GRID1: variants seen among roughly 807,000 people sequenced by gnomAD.
The protein encoded by GRID1 is glutamate ionotropic receptor delta type subunit 1, also known as glutamate receptor ionotropic, delta-1.
GRID1 carries 28 observed loss-of-function variants against 98.0 expected under a neutral mutation model. That is an observed-to-expected ratio of 0.29 (90% CI 0.21 to 0.39). The LOEUF (loss-of-function observed/expected upper bound fraction) is 0.39. GRID1 is among the 10% of genes least tolerant of loss of function. The pLI is 1.00. For missense variants in GRID1, 1,111 were observed against 1,340.5 expected (o/e 0.83, Z 2.67); for synonymous variants, 553 against 538.5 (o/e 1.03, Z -0.37).
At chr10:85,965,628 G>A (rs1842326801) in intron 4 of GRID1, among the ~76,000 whole-genome samples, 1 of 152,052 alleles carries the variant, frequency 6.6e-6, no homozygotes, top group Non-Finnish European at 1.5e-5. Flanking sequence ...ACACACCAGG[G>A]CCTGTCAGGG....
At chr10:86,328,012 G>A (rs1336532492) in intron 2 of GRID1, among the ~76,000 whole-genome samples, 3 of 152,138 alleles carry the variant, frequency 2.0e-5, no homozygotes, top group Non-Finnish European at 4.4e-5. Flanking sequence ...CTATTAAGGG[G>A]GGGTATCTGT....
At chr10:86,248,163 C>T (rs867381554) in intron 2 of GRID1, among the ~76,000 whole-genome samples, 11 of 152,216 alleles carry the variant, frequency 7.2e-5, no homozygotes, top group Admixed American at 1.3e-4. Flanking sequence ...AGTAGGCAGA[C>T]GGTGCAGACA....
intron 2 of GRID1, among the ~76,000 whole-genome samples, chr10:86,220,580 T>C (rs1415498076): frequency 6.6e-6 from 1 of 152,120 alleles, no homozygotes; most frequent in African/African-American, 2.4e-5. Flanking sequence ...AGGTCTGGGC[T>C]GATGGTCAGA....
intron 4 of GRID1, among the ~76,000 whole-genome samples, chr10:86,046,959 G>C (rs1256627365): frequency 1.3e-5 from 2 of 151,930 alleles, no homozygotes; most frequent in African/African-American, 4.8e-5. Flanking sequence ...GCAGCAAAAA[G>C]GCCACATGCG....
chr10:85,867,612 A>G (rs1843234322), intron 6 of GRID1, among the ~76,000 whole-genome samples: 1 of 152,260 alleles, frequency 6.6e-6, no homozygotes, highest in Non-Finnish European at 1.5e-5. Flanking sequence ...CTCCACATAC[A>G]GGAAGGCAGA....
chr10:86,203,035 C>T (rs1019965095), intron 3 of GRID1, among the ~76,000 whole-genome samples: 3 of 152,140 alleles, frequency 2.0e-5, no homozygotes, highest in Non-Finnish European at 2.9e-5. Flanking sequence ...CAGGAAGAAC[C>T]TTTCTGAGCC....
At chr10:86,290,678 TAAAATAAA>T (rs1847499547) in intron 2 of GRID1, among the ~76,000 whole-genome samples, 1 of 150,598 alleles carries the variant, frequency 6.6e-6, no homozygotes, top group African/African-American at 2.5e-5. Context: ...TAAAATAAAA[TAAAATAAA>T]ATATGTTCCA....
chr10:85,657,457 C>G (rs1840912603), intron 12 of GRID1, among the ~76,000 whole-genome samples: 2 of 152,128 alleles, frequency 1.3e-5, no homozygotes, highest in African/African-American at 4.8e-5. Flanking sequence ...ACAATAGTGA[C>G]CAGCTCATGG....
At chr10:85,966,422 A>G (rs928598645) in intron 4 of GRID1, among the ~76,000 whole-genome samples, 3 of 152,218 alleles carry the variant, frequency 2.0e-5, no homozygotes, top group Non-Finnish European at 4.4e-5. Flanking sequence ...TAAAGAATAC[A>G]GAGAGTTGTA....
At chr10:85,944,301 C>G (rs185970784) in intron 4 of GRID1, among the ~76,000 whole-genome samples, 162 of 152,198 alleles carry the variant, frequency 1.1e-3, no homozygotes, top group Middle Eastern at 3.4e-3. Flanking sequence ...ACAAAAATAG[C>G]TAATAAACAA....
At chr10:86,344,614 AG>A (rs1440090978) in intron 2 of GRID1, among the ~76,000 whole-genome samples, 1 of 152,200 alleles carries the variant, frequency 6.6e-6, no homozygotes, top group African/African-American at 2.4e-5. Flanking sequence ...CCTCTTTTGG[AG>A]CCAAAGTACA....
intron 5 of GRID1, among the ~76,000 whole-genome samples, chr10:85,889,220 C>T (rs144996409): frequency 2.0e-5 from 3 of 152,200 alleles, no homozygotes; most frequent in African/African-American, 4.8e-5. Context: ...TCAGCAGTCA[C>T]AGGCAGAGAC....
At chr10:85,996,895 C>T (rs1842746338) in intron 4 of GRID1, among the ~76,000 whole-genome samples, 1 of 149,604 alleles carries the variant, frequency 6.7e-6, no homozygotes, top group African/African-American at 2.4e-5. Context: ...TGGCTTAAAA[C>T]TTATCAAATT....
intron 15 of GRID1, among the ~76,000 whole-genome samples, chr10:85,610,072 C>G (rs868611289): frequency 6.6e-6 from 1 of 152,198 alleles, no homozygotes; most frequent in African/African-American, 2.4e-5. Context: ...AACTTGGGCT[C>G]CACCCAAAGA....
intron 5 of GRID1, among the ~76,000 whole-genome samples, chr10:85,895,750 T>C (rs1841284640): frequency 6.6e-6 from 1 of 152,192 alleles, no homozygotes; most frequent in Non-Finnish European, 1.5e-5. Flanking sequence ...AAATTTTCTT[T>C]GAGGCACATA....
intron 8 of GRID1, among the ~76,000 whole-genome samples, chr10:85,853,151 C>T (rs112039359): frequency 1.2e-4 from 19 of 152,054 alleles, no homozygotes; most frequent in African/African-American, 4.3e-4. Context: ...CTACACGGCT[C>T]CCTCCCTGTT....
intron 13 of GRID1, among the ~76,000 whole-genome samples, chr10:85,624,272 T>A (rs1842886598): frequency 6.6e-6 from 1 of 152,248 alleles, no homozygotes; most frequent in Non-Finnish European, 1.5e-5. Context: ...TTCAATGGGT[T>A]AAATTACCTT....
chr10:86,302,196 C>A (rs1166919571), intron 2 of GRID1, among the ~76,000 whole-genome samples: 1 of 152,220 alleles, frequency 6.6e-6, no homozygotes. Flanking sequence ...GCAGGCAGAT[C>A]CTGGACATGA....
At chr10:86,172,142 C>T (rs571513159) in intron 3 of GRID1, among the ~76,000 whole-genome samples, 31 of 152,250 alleles carry the variant, frequency 2.0e-4, no homozygotes, top group African/African-American at 7.5e-4. Context: ...TTACCATCAG[C>T]AATTACTCTC....
Sources: gnomAD v4.1 joint callset for allele counts (sites outside exome capture counted in the v4.1 genomes callset) on GRCh38, gnomAD v4.1.1 for gene constraint, MANE v1.5 for transcripts, NCBI Gene and HGNC (gene_info 2026-07-23, HGNC 2026-07-21) for gene names.